TMEM248: variants seen among roughly 807,000 people sequenced by gnomAD.
TMEM248 encodes the protein transmembrane protein 248, also known as UPF0458 protein C7orf42.
TMEM248 carries 9 observed loss-of-function variants against 30.3 expected under a neutral mutation model. The ratio of observed to expected loss-of-function variants is 0.30; its 90% CI spans 0.18 to 0.52. The LOEUF is 0.52. TMEM248 is among the 20% of genes least tolerant of loss of function. The pLI is 0.97. For missense variants in TMEM248, 338 were observed against 403.3 expected (o/e 0.84, Z 1.39); for synonymous variants, 184 against 154.4 (o/e 1.19, Z -1.42).
intron 2 of TMEM248, 37 bp from the exon 3 acceptor site, chr7:66,944,939 C>G (rs1307794962): frequency 1.9e-6 from 3 of 1,609,700 alleles, no homozygotes. Context: ...ACAGGCGCTG[C>G]TTAACACCCA....
At position 66,952,155 on chromosome 7, in the gene TMEM248, T is replaced by C. The variant is rs181140524; in HGVS notation, c.780+1020T>C. Reference sequence around the variant, plus strand: ...CCCAGGCTGGAGTGCAGTGGCACAATCTCGGTTCGTTGCAACCTCTGCCTC... The same window carrying C: ...CCCAGGCTGGAGTGCAGTGGCACAACCTCGGTTCGTTGCAACCTCTGCCTC... On this transcript the variant is annotated intron_variant, in intron 5 of 6. Coordinates refer to ENST00000341567, the MANE Select transcript of TMEM248 (RefSeq NM_017994.5). Among the ~76,000 whole-genome samples the C allele has an allele frequency of 1.8e-3, 267 of 152,280 alleles. 1 individual carries two copies. Among genetic ancestry groups the C allele is most frequent in the Middle Eastern group, 3.4e-3 (1 of 294 alleles).
At chr7:66,929,425 A>C (rs1791609141) in intron 1 of TMEM248, among the ~76,000 whole-genome samples, 2 of 124,624 alleles carry the variant, frequency 1.6e-5, no homozygotes, top group African/African-American at 5.5e-5. Context: ...ATGAGAGACA[A>C]ATTTTTTTTT....
chr7:66,928,235 T>C (rs1291698523), intron 1 of TMEM248, among the ~76,000 whole-genome samples: 1 of 152,154 alleles, frequency 6.6e-6, no homozygotes, highest in African/African-American at 2.4e-5. Context: ...AGAAACTAAG[T>C]TAAACATTTT....
intron 5 of TMEM248, among the ~76,000 whole-genome samples, chr7:66,952,934 G>C (rs973695140): frequency 6.6e-6 from 1 of 152,214 alleles, no homozygotes; most frequent in Admixed American, 6.5e-5. Context: ...AGGGGAGGAA[G>C]CCTGCTGGAG....
At chr7:66,938,879 C>T (rs761589225) in intron 1 of TMEM248, among the ~76,000 whole-genome samples, 5 of 152,172 alleles carry the variant, frequency 3.3e-5, no homozygotes, top group African/African-American at 7.2e-5. Flanking sequence ...ATTAATTATA[C>T]GTAACATATA....
chr7:66,935,879 C>T (rs1405975896), intron 1 of TMEM248, among the ~76,000 whole-genome samples: 2 of 152,134 alleles, frequency 1.3e-5, no homozygotes, highest in Non-Finnish European at 2.9e-5. Context: ...TCTATTGGCA[C>T]GTAGAAATGC....
In TMEM248 at chr7:66,951,149, A is replaced by G. The variant is rs1792258268; in HGVS notation, c.780+14A>G. 2 of 1,564,964 alleles carry G rather than the reference A, an allele frequency of 1.3e-6. No individual in the cohort carries two copies. Among genetic ancestry groups the G allele is most frequent in the Non-Finnish European group, 1.7e-6 (2 of 1,155,552 alleles). ...ATTGTTCCAGATGTAAGTGAGAAAAATTGTGTGTGTGTGTGTGCGTGCATG... is the reference window on the plus strand; with the variant it reads ...ATTGTTCCAGATGTAAGTGAGAAAAGTTGTGTGTGTGTGTGTGCGTGCATG... On this transcript the variant is annotated intron_variant, in intron 5 of 6. Coordinates refer to ENST00000341567, the MANE Select transcript of TMEM248 (RefSeq NM_017994.5).
intron 1 of TMEM248, among the ~76,000 whole-genome samples, chr7:66,940,943 T>C (rs1478317103): frequency 6.6e-6 from 1 of 152,216 alleles, no homozygotes; most frequent in East Asian, 1.9e-4. Flanking sequence ...TAACAGTATT[T>C]ATTATAGAAT....
intron 1 of TMEM248, among the ~76,000 whole-genome samples, chr7:66,933,941 G>A (rs1016311717): frequency 6.6e-6 from 1 of 151,630 alleles, no homozygotes; most frequent in Non-Finnish European, 1.5e-5. Context: ...GGGTCAAATA[G>A]TGTGCTTTCT....
intron 1 of TMEM248, among the ~76,000 whole-genome samples, chr7:66,925,831 C>T (rs1238933389): frequency 6.6e-6 from 1 of 151,592 alleles, no homozygotes; most frequent in East Asian, 1.9e-4. Flanking sequence ...TTAGTAGAGA[C>T]AGGGTTTCAC....
intron 5 of TMEM248, among the ~76,000 whole-genome samples, chr7:66,951,758 G>C (rs1221373786): frequency 6.6e-6 from 1 of 152,006 alleles, no homozygotes; most frequent in African/African-American, 2.4e-5. Context: ...GCTCACTGCA[G>C]CTTCAGCCTC....
At chr7:66,940,481 C>T (rs772803755) in intron 1 of TMEM248, among the ~76,000 whole-genome samples, 2 of 152,222 alleles carry the variant, frequency 1.3e-5, no homozygotes, top group Non-Finnish European at 2.9e-5. Flanking sequence ...GACTAGCAGA[C>T]AACGTTGTTT....
chr7:66,926,800 C>T (rs118125527), intron 1 of TMEM248, among the ~76,000 whole-genome samples: 23 of 152,224 alleles, frequency 1.5e-4, no homozygotes, highest in Non-Finnish European at 2.9e-4. Context: ...TTCTCATGTA[C>T]GAATCAAATA....
At chr7:66,936,294 T>C in intron 1 of TMEM248, among the ~76,000 whole-genome samples, 1 of 152,234 alleles carries the variant, frequency 6.6e-6, no homozygotes, top group East Asian at 1.9e-4. Flanking sequence ...CAAATGCTTT[T>C]TCAGCATCAG....
At chr7:66,932,384 A>G (rs969483670) in intron 1 of TMEM248, among the ~76,000 whole-genome samples, 1 of 152,188 alleles carries the variant, frequency 6.6e-6, no homozygotes, top group African/African-American at 2.4e-5. Flanking sequence ...TTGAAATATT[A>G]TCAGGGTAAC....
intron 1 of TMEM248, among the ~76,000 whole-genome samples, chr7:66,932,762 C>T (rs1051091090): frequency 2.7e-5 from 4 of 150,422 alleles, no homozygotes; most frequent in Non-Finnish European, 5.9e-5. Context: ...GCAGTCCACC[C>T]GCCTCAGCCT....
chr7:66,921,244 C>CGGAGCCCGAACTGAGGCGGCGGCG lies in TMEM248; in HGVS notation c.-227_-204dup. The CGGAGCCCGAACTGAGGCGGCGGCG allele has an allele frequency of 6.6e-6, 1 of 150,958 alleles. No individual in the cohort carries two copies. The highest frequency in any genetic ancestry group is 1.5e-5 in the Non-Finnish European group (1 of 67,590). The allele number at this position is 150,958 out of a possible 1,614,324, so 9.4% of individuals were successfully genotyped here. A position where few individuals can be genotyped will look rare whatever the true frequency, so the allele number is the denominator to read the frequency against. ...TTTTTCACCCGGAAACCGCGGTTGC[C>CGGAGCCCGAACTGAGGCGGCGGCG]GGAGCCCGAACTGAGGCGGCGGCGG... On this transcript the variant is annotated 5_prime_UTR_variant, in exon 1 of 7. Coordinates refer to ENST00000341567, the MANE Select transcript of TMEM248 (RefSeq NM_017994.5).
chr7:66,944,723 T>G (rs1215890157), intron 2 of TMEM248, among the ~76,000 whole-genome samples: 4 of 152,224 alleles, frequency 2.6e-5, no homozygotes, highest in Non-Finnish European at 5.9e-5. Flanking sequence ...TTGATTTGAT[T>G]TCACAGTTTA....
At chr7:66,931,574 C>T (rs902223193) in intron 1 of TMEM248, among the ~76,000 whole-genome samples, 5 of 151,854 alleles carry the variant, frequency 3.3e-5, no homozygotes, top group Admixed American at 3.3e-4. Flanking sequence ...TGGGCTGAGC[C>T]AGTCCTCCCA....
Sources: gnomAD v4.1 joint callset for allele counts (sites outside exome capture counted in the v4.1 genomes callset) on GRCh38, gnomAD v4.1.1 for gene constraint, MANE v1.5 for transcripts, NCBI Gene and HGNC (gene_info 2026-07-23, HGNC 2026-07-21) for gene names.